GABRB1: variants seen among roughly 807,000 people sequenced by gnomAD.
GABRB1 encodes the protein gamma-aminobutyric acid type A receptor subunit beta1, also known as gamma-aminobutyric acid receptor subunit beta-1.
A neutral mutation model predicts 51.6 loss-of-function variants in GABRB1; 17 were observed. The ratio of observed to expected loss-of-function variants is 0.33; its 90% CI spans 0.23 to 0.49. The LOEUF (loss-of-function observed/expected upper bound fraction) is 0.49. Ranked by LOEUF, GABRB1 falls within the 20% of genes least tolerant of loss-of-function variation. GABRB1 has a pLI of 0.99. For synonymous variants in GABRB1, 247 were observed against 218.9 expected (o/e 1.13, Z -1.14); for missense variants, 410 against 600.6 (o/e 0.68, Z 3.32).
chr4:47,202,418 T>C (rs1719933814), intron 4 of GABRB1, among the ~76,000 whole-genome samples: 1 of 152,186 alleles, frequency 6.6e-6, no homozygotes, highest in African/African-American at 2.4e-5. Flanking sequence ...AGTGTGAAAA[T>C]GGACTAATAC....
At chr4:47,092,336 A>T (rs188389338) in intron 3 of GABRB1, among the ~76,000 whole-genome samples, 175 of 150,584 alleles carry the variant, frequency 1.2e-3, no homozygotes, top group African/African-American at 3.9e-3. Context: ...CCACGCCTGG[A>T]CAATTTTTAT....
intron 4 of GABRB1, among the ~76,000 whole-genome samples, chr4:47,186,520 C>A (rs2109777241): frequency 6.6e-6 from 1 of 151,886 alleles, no homozygotes; most frequent in East Asian, 1.9e-4. Context: ...TGTCTAGTAA[C>A]AAGAGACATA....
At chr4:47,384,416 TA>T (rs59005369) in intron 5 of GABRB1, among the ~76,000 whole-genome samples, 30,749 of 122,236 alleles carry the variant, frequency 0.25, 3,171 homozygotes, top group South Asian at 0.29. Context: ...CACACCAAAA[TA>T]AAAAAAAAAA....
chr4:47,391,747 G>A (rs996562689), intron 5 of GABRB1, among the ~76,000 whole-genome samples: 8 of 152,076 alleles, frequency 5.3e-5, no homozygotes, highest in Admixed American at 4.6e-4. Flanking sequence ...ACCAGTTTGG[G>A]ACCATAAACT....
intron 4 of GABRB1, among the ~76,000 whole-genome samples, chr4:47,271,712 T>C (rs552646968): frequency 6.6e-6 from 1 of 152,218 alleles, no homozygotes; most frequent in African/African-American, 2.4e-5. Flanking sequence ...ATCAGTAACG[T>C]TTCAGGAGTG....
chr4:47,288,988 A>T (rs1723622130), intron 4 of GABRB1, among the ~76,000 whole-genome samples: 1 of 152,196 alleles, frequency 6.6e-6, no homozygotes, highest in African/African-American at 2.4e-5. Context: ...ACCTTATTGT[A>T]AAGATGATCA....
intron 5 of GABRB1, among the ~76,000 whole-genome samples, chr4:47,360,825 A>G (rs1042878188): frequency 3.9e-5 from 6 of 152,132 alleles, no homozygotes; most frequent in African/African-American, 9.7e-5. Context: ...TCACTTTCAC[A>G]TGACTTACTC....
At chr4:47,025,636 T>C (rs1577835059) in intron 1 of GABRB1, among the ~76,000 whole-genome samples, 1 of 151,972 alleles carries the variant, frequency 6.6e-6, no homozygotes, top group East Asian at 1.9e-4. Context: ...AAAATAAAAA[T>C]GACAGATTAG....
At chr4:47,156,141 C>A (rs573215527) in intron 3 of GABRB1, among the ~76,000 whole-genome samples, 1 of 151,702 alleles carries the variant, frequency 6.6e-6, no homozygotes, top group East Asian at 1.9e-4. Flanking sequence ...TTTTGAGGAA[C>A]TTCCATACTG....
chr4:47,019,576 TCC>T (rs1553909501), intron 1 of GABRB1, among the ~76,000 whole-genome samples: 1 of 147,344 alleles, frequency 6.8e-6, no homozygotes, highest in Non-Finnish European at 1.5e-5. Flanking sequence ...TCTCTCTCTC[TCC>T]CTCCTTCCTC....
intron 4 of GABRB1, among the ~76,000 whole-genome samples, chr4:47,215,396 A>G (rs1720515529): frequency 6.6e-6 from 1 of 152,104 alleles, no homozygotes; most frequent in Admixed American, 6.6e-5. Context: ...TAAAACAGTA[A>G]TTCTCAAAGT....
At chr4:47,387,185 C>G (rs1432999578) in intron 5 of GABRB1, among the ~76,000 whole-genome samples, 1 of 152,092 alleles carries the variant, frequency 6.6e-6, no homozygotes, top group South Asian at 2.1e-4. Context: ...CAAAAATAGC[C>G]CAGGCACAGT....
intron 3 of GABRB1, among the ~76,000 whole-genome samples, chr4:47,110,622 A>G (rs928208793): frequency 6.6e-6 from 1 of 152,176 alleles, no homozygotes; most frequent in African/African-American, 2.4e-5. Flanking sequence ...TGTAAATGAG[A>G]AACATTTTTA....
intron 8 of GABRB1, among the ~76,000 whole-genome samples, chr4:47,410,336 G>A (rs1728720410): frequency 6.6e-6 from 1 of 152,124 alleles, no homozygotes; most frequent in Admixed American, 6.6e-5. Context: ...TAAACTGTGA[G>A]CACATTTTTA....
intron 4 of GABRB1, among the ~76,000 whole-genome samples, chr4:47,302,908 G>A (rs146496814): frequency 1.8e-4 from 27 of 152,054 alleles, no homozygotes; most frequent in Middle Eastern, 3.4e-3. Flanking sequence ...AATGGTCACA[G>A]AAATTAACTA....
At chr4:47,022,655 C>T (rs778801623) in intron 1 of GABRB1, among the ~76,000 whole-genome samples, 12 of 151,976 alleles carry the variant, frequency 7.9e-5, no homozygotes, top group Non-Finnish European at 1.3e-4. Flanking sequence ...CAATAACAAA[C>T]GCTGATAAGG....
intron 4 of GABRB1, among the ~76,000 whole-genome samples, chr4:47,244,344 C>CT (rs1380933820): frequency 6.6e-6 from 1 of 152,062 alleles, no homozygotes; most frequent in Admixed American, 6.6e-5. Flanking sequence ...CTAAAATTCT[C>CT]TTTTTTTGTC....
At chr4:47,412,230 T>C (rs533226285) in intron 8 of GABRB1, among the ~76,000 whole-genome samples, 53 of 152,348 alleles carry the variant, frequency 3.5e-4, no homozygotes, top group Non-Finnish European at 7.4e-4. Flanking sequence ...CCTTGTCTTT[T>C]ACATTCATTG....
At chr4:47,224,612 A>G (rs1477383131) in intron 4 of GABRB1, among the ~76,000 whole-genome samples, 2 of 152,116 alleles carry the variant, frequency 1.3e-5, no homozygotes, top group Non-Finnish European at 2.9e-5. Flanking sequence ...GCAAGGGTGG[A>G]GGGTACTCTT....
Sources: gnomAD v4.1 joint callset for allele counts (sites outside exome capture counted in the v4.1 genomes callset) on GRCh38, gnomAD v4.1.1 for gene constraint, MANE v1.5 for transcripts, NCBI Gene and HGNC (gene_info 2026-07-23, HGNC 2026-07-21) for gene names.